The following NTRK3 variants were observed in gnomAD, a reference collection of about 807,000 sequenced individuals.
NTRK3 encodes the protein neurotrophic receptor tyrosine kinase 3.
In NTRK3, 24 loss-of-function variants were observed where a neutral mutation model predicts 91.7. The ratio of observed to expected loss-of-function variants is 0.26; its 90% CI spans 0.19 to 0.37. The LOEUF (loss-of-function observed/expected upper bound fraction) is 0.37, where lower values mean the gene tolerates loss of function less well. Ranked by LOEUF, NTRK3 falls within the 10% of genes least tolerant of loss-of-function variation. The pLI is 1.00. For synonymous variants in NTRK3, 483 were observed against 404.0 expected (o/e 1.20, Z -2.34); for missense variants, 880 against 1,068.9 (o/e 0.82, Z 2.46).
At chr15:87,963,933 C>T (rs942071340) in intron 14 of NTRK3, among the ~76,000 whole-genome samples, 4 of 152,046 alleles carry the variant, frequency 2.6e-5, no homozygotes, top group East Asian at 1.9e-4. Context: ...AATCCATTTC[C>T]GTGTTTTATA....
chr15:88,087,636 G>C (rs767831812), intron 13 of NTRK3, among the ~76,000 whole-genome samples: 36 of 152,202 alleles, frequency 2.4e-4, no homozygotes, highest in Admixed American at 5.9e-4. Context: ...GGACTTATGA[G>C]GGCTTCCCAC....
At chr15:88,133,677 C>G (rs1424402015) in intron 10 of NTRK3, among the ~76,000 whole-genome samples, 1 of 152,200 alleles carries the variant, frequency 6.6e-6, no homozygotes, top group Non-Finnish European at 1.5e-5. Flanking sequence ...CTCTAAAAGC[C>G]TCTTCTTCCA....
At chr15:88,149,681 C>G (rs530585137) in intron 5 of NTRK3, among the ~76,000 whole-genome samples, 2 of 152,338 alleles carry the variant, frequency 1.3e-5, no homozygotes, top group South Asian at 4.1e-4. Flanking sequence ...AAGCCCCATG[C>G]AGCAGCCCAG....
At position 88,234,653 on chromosome 15, in the gene NTRK3, C is replaced by A. The variant is rs1242921128; in HGVS notation, c.248+21253G>T. ...ATGCCCAGCCTGGATTAAGCACCCC[C>A]TCACAGAAATCTGTACAACCTTGTG... On this transcript the variant is annotated intron_variant, in intron 3 of 18. Transcript: ENST00000394480. The surrounding 1 kb of genome is among the most constrained non-coding windows in gnomAD (Gnocchi z 6.1). Among the ~76,000 whole-genome samples the A allele has an allele frequency of 6.6e-6, 1 of 152,228 alleles. No individual in the cohort carries two copies. The highest frequency in any genetic ancestry group is 2.4e-5 in the African/African-American group (1 of 41,464).
intron 6 of NTRK3, among the ~76,000 whole-genome samples, chr15:88,139,198 T>C (rs960699974): frequency 6.6e-6 from 1 of 152,210 alleles, no homozygotes; most frequent in Non-Finnish European, 1.5e-5. Context: ...ATTTTCCTTA[T>C]GACTTGAAGC....
At chr15:88,122,475 T>C (rs2052824214) in intron 13 of NTRK3, among the ~76,000 whole-genome samples, 1 of 152,152 alleles carries the variant, frequency 6.6e-6, no homozygotes, top group Admixed American at 6.5e-5. Flanking sequence ...CCTATGGAGA[T>C]GGGGATGGGA....
intron 3 of NTRK3, among the ~76,000 whole-genome samples, chr15:88,219,812 C>A (rs1471425532): frequency 6.6e-6 from 1 of 152,226 alleles, no homozygotes; most frequent in Non-Finnish European, 1.5e-5. Flanking sequence ...CATCATCTCT[C>A]AGCCCATGCT....
intron 13 of NTRK3, among the ~76,000 whole-genome samples, chr15:88,124,507 G>A (rs1341033204): frequency 1.3e-5 from 2 of 152,192 alleles, no homozygotes; most frequent in Non-Finnish European, 2.9e-5. Context: ...CAGGGGAAGA[G>A]CAACAATGCC....
intron 3 of NTRK3, among the ~76,000 whole-genome samples, chr15:88,225,425 A>G (rs1022261260): frequency 5.9e-5 from 9 of 152,166 alleles, no homozygotes; most frequent in African/African-American, 2.2e-4. Context: ...TCCTTTCTGC[A>G]AACCCCAAAA....
intron 3 of NTRK3, among the ~76,000 whole-genome samples, chr15:88,246,449 C>T (rs1179555468): frequency 6.6e-6 from 1 of 152,154 alleles, no homozygotes; most frequent in Non-Finnish European, 1.5e-5. Flanking sequence ...TTGGTGGGGG[C>T]AGGGAGAGGG....
chr15:88,079,434 G>A (rs1040909979), intron 13 of NTRK3, among the ~76,000 whole-genome samples: 67 of 152,152 alleles, frequency 4.4e-4, no homozygotes, highest in Non-Finnish European at 7.2e-4. Context: ...GACAAGTACA[G>A]AGAGGAATTG....
chr15:88,094,341 C>T (rs933371726), intron 13 of NTRK3, among the ~76,000 whole-genome samples: 28 of 151,580 alleles, frequency 1.8e-4, no homozygotes, highest in Non-Finnish European at 2.7e-4. Flanking sequence ...CGGTGGCGGG[C>T]GCCTGTAGTC....
At chr15:87,932,653 G>C (rs527386355) in intron 16 of NTRK3, among the ~76,000 whole-genome samples, 11 of 152,110 alleles carry the variant, frequency 7.2e-5, no homozygotes, top group Non-Finnish European at 1.3e-4. Context: ...GGCACAAAGG[G>C]AGAAAGCTAT....
At chr15:87,924,440 A>C (rs1227383384) in intron 17 of NTRK3, among the ~76,000 whole-genome samples, 1 of 152,018 alleles carries the variant, frequency 6.6e-6, no homozygotes, top group Non-Finnish European at 1.5e-5. Context: ...CTGCTGCCAG[A>C]CCTGTTTATG....
At chr15:87,981,331 T>C (rs752683517) in intron 14 of NTRK3, 5 of 1,609,984 alleles carry the variant, frequency 3.1e-6, no homozygotes, top group Admixed American at 1.7e-5. Context: ...AAGTTTAATA[T>C]CCCATGATTG....
At chr15:87,945,197 A>C (rs1369426) in intron 14 of NTRK3, among the ~76,000 whole-genome samples, 1 of 152,026 alleles carries the variant, frequency 6.6e-6, no homozygotes, top group Non-Finnish European at 1.5e-5. Context: ...GGTTCTTTGG[A>C]AAATTAAAAG....
Position 88,256,627 on chromosome 15 carries a change from C to T in NTRK3, c.-219+17G>A, listed in dbSNP as rs918413853. ...CACCTGCAAAACACACACACTCACTCTCACACATACACACACCCGGAGCCC... is the reference window on the plus strand; with the variant it reads ...CACCTGCAAAACACACACACTCACTTTCACACATACACACACCCGGAGCCC... On this transcript the variant is annotated intron_variant, in intron 1 of 18. Transcript: ENST00000394480. 6.6e-6 allele frequency: 3 copies of T among 456,000 alleles called. No homozygotes were observed. The highest frequency in any genetic ancestry group is 6.9e-5 in the South Asian group (1 of 14,490). The allele number at this position is 456,000 out of a possible 1,614,324, so 28.2% of individuals were successfully genotyped here.
Position 88,177,228 on chromosome 15 carries a change from G to A in NTRK3, c.395+6190C>T, listed in dbSNP as rs530771301. On this transcript the variant is annotated intron_variant, in intron 5 of 18. Coordinates refer to ENST00000394480, the Ensembl canonical transcript of NTRK3. Reference sequence around the variant, plus strand: ...GGGCTTAGCTTTTATTGTAAGTAACGCAAGAAGTAATTGGAGGGCTTTAAG... The same window carrying A: ...GGGCTTAGCTTTTATTGTAAGTAACACAAGAAGTAATTGGAGGGCTTTAAG... 5.9e-5 allele frequency among the ~76,000 whole-genome samples: 9 copies of A among 152,304 alleles called. No homozygotes were observed. In the East Asian group the frequency reaches 1.2e-3, roughly 20 times the overall value.
At position 87,936,925 on chromosome 15, in the gene NTRK3, A is replaced by T. The variant is rs139152233; in HGVS notation, c.1716+3698T>A. On this transcript the variant is annotated intron_variant, in intron 15 of 18. Transcript: ENST00000394480. ...TCCAAACTCCTTAACATAGTCATGG[A>T]CTCTATAAGGTCTGGTCTCCCCATC... Among the ~76,000 whole-genome samples the T allele has an allele frequency of 1.1e-4, 17 of 152,030 alleles. No homozygotes were observed. In the East Asian group the frequency reaches 3.3e-3, roughly 30 times the overall value.
Sources: allele counts gnomAD v4.1 joint callset (sites outside exome capture counted in the v4.1 genomes callset), GRCh38; gene constraint gnomAD v4.1.1; non-coding constraint Gnocchi (gnomAD v3.1); transcripts MANE v1.5; gene names NCBI Gene and HGNC (gene_info 2026-07-23, HGNC 2026-07-21).